The following DST variants were observed in gnomAD, a reference collection of about 807,000 sequenced individuals.
DST encodes the protein dystonin, also known as bullous pemphigoid antigen.
Under a neutral mutation model 875.2 loss-of-function variants are expected in DST, and 253 were observed. That is an observed-to-expected ratio of 0.29 (90% confidence interval 0.26 to 0.32). DST has a LOEUF of 0.32. DST is among the 10% of genes least tolerant of loss of function. The probability of loss-of-function intolerance (pLI) is 1.00; values close to 1 mark genes in which losing one functional copy is unlikely to be tolerated. For missense variants in DST, 8,287 were observed against 9,111.6 expected (o/e 0.91, Z 3.68); for synonymous variants, 3,124 against 3,197.1 (o/e 0.98, Z 0.77).
chr6:56,824,330 G>A (rs1278511701), intron 4 of DST, among the ~76,000 whole-genome samples: 2 of 152,218 alleles, frequency 1.3e-5, no homozygotes, highest in African/African-American at 2.4e-5. Flanking sequence ...ACCCAGGCTG[G>A]AATGCAGTGG....
chr6:56,606,079 T>C lies in DST; in HGVS notation c.8549A>G (p.Glu2850Gly). ...CASILNENSD[E>G]NENINTMILL... ...AATCATTGTATTAATATTTTCATTT[T>C]CATCACTGTTTTCATTTAAAATAGA... The change falls in exon 40 of 104, where the codon GAA (glutamate) becomes GGA (glycine). Residue 2850 changes from glutamate (E) to glycine (G), a missense_variant. By Grantham distance (98) the Glu-to-Gly change is moderately conservative (BLOSUM62 -2). Around this residue, in one of 10 missense-constraint regions of DST, gnomAD observed 3,138 missense variants for 3,116.6 expected, o/e 1.01. Transcript: ENST00000680361. 1.9e-6 allele frequency: 3 copies of C among 1,613,024 alleles called. No homozygotes were observed. The highest frequency in any genetic ancestry group is 2.5e-6 in the Non-Finnish European group (3 of 1,179,268).
intron 17 of DST, among the ~76,000 whole-genome samples, chr6:56,641,525 C>A (rs1326955493): frequency 6.6e-6 from 1 of 151,886 alleles, no homozygotes; most frequent in Non-Finnish European, 1.5e-5. Context: ...GAGGCAGAGG[C>A]TGCAGTGAGC....
chr6:56,746,833 G>GA (rs1342648793), intron 4 of DST, among the ~76,000 whole-genome samples: 1 of 152,104 alleles, frequency 6.6e-6, no homozygotes, highest in Non-Finnish European at 1.5e-5. Flanking sequence ...GGAAGATATA[G>GA]AAAAAAATAC....
chr6:56,573,934 C>A, intron 50 of DST, 47 bp from the exon 51 acceptor site: 1 of 1,403,356 alleles, frequency 7.1e-7, no homozygotes, highest in Non-Finnish European at 9.8e-7. Context: ...TCTCTTTGCC[C>A]TATCCCTTTT....
At chr6:56,505,924 G>C (rs2096296910) in intron 77 of DST, among the ~76,000 whole-genome samples, 1 of 152,042 alleles carries the variant, frequency 6.6e-6, no homozygotes. Context: ...ACATGGAAAA[G>C]AAGAAAACAC....
At chr6:56,547,294 T>C (rs1453885418) in intron 61 of DST, among the ~76,000 whole-genome samples, 2 of 152,202 alleles carry the variant, frequency 1.3e-5, no homozygotes, top group African/African-American at 4.8e-5. Flanking sequence ...TCTGCTTCAG[T>C]AGGGCTTCTC....
chr6:56,605,275 T>C lies in DST; in HGVS notation c.9353A>G (p.Asp3118Gly). The C allele has an allele frequency of 1.9e-6, 3 of 1,611,222 alleles. No individual in the cohort carries two copies. The highest frequency in any genetic ancestry group is 2.5e-6 in the Non-Finnish European group (3 of 1,178,434). Residue 3118 changes from aspartate to glycine, a missense_variant, in exon 40 of 104, where the codon GAT (aspartate) becomes GGT (glycine). Transcript: ENST00000680361. ...SLKKATVTLK[D>G]EPNNLQIIVS... ...TATTATTTGTAGATTATTTGGTTCA[T>C]CTTTAAGAGTTACAGTTGCTTTTTT... is the stretch of plus-strand genomic sequence containing the variant.
chr6:56,781,749 T>C (rs35676997), intron 4 of DST, among the ~76,000 whole-genome samples: 35,137 of 151,748 alleles, frequency 0.23, 5,069 homozygotes, highest in African/African-American at 0.4. Flanking sequence ...GCCAGAACTT[T>C]CAACACTATG....
intron 4 of DST, among the ~76,000 whole-genome samples, chr6:56,813,379 T>TATA (rs1042380661): frequency 7.1e-6 from 1 of 139,880 alleles, no homozygotes; most frequent in African/African-American, 2.9e-5. Flanking sequence ...AAACTTAAAG[T>TATA]ATAATAATAA....
At chr6:56,469,301 G>C (rs1451349791) in intron 97 of DST, among the ~76,000 whole-genome samples, 1 of 151,552 alleles carries the variant, frequency 6.6e-6, no homozygotes, top group Non-Finnish European at 1.5e-5. Flanking sequence ...CTGTATTGGG[G>C]AAACTCAGCA....
At chr6:56,526,960 A>G (rs1212704948) in intron 68 of DST, among the ~76,000 whole-genome samples, 1 of 152,184 alleles carries the variant, frequency 6.6e-6, no homozygotes. Flanking sequence ...GACCCTCAAA[A>G]TGATGACAAA....
At chr6:56,515,127 A>C (rs1290594062) in intron 72 of DST, among the ~76,000 whole-genome samples, 5 of 152,204 alleles carry the variant, frequency 3.3e-5, no homozygotes, top group Admixed American at 6.5e-5. Flanking sequence ...AAACAATTCA[A>C]TGTGTGTAAA....
chr6:56,679,714 G>A (rs2099148105), intron 9 of DST, among the ~76,000 whole-genome samples: 1 of 151,782 alleles, frequency 6.6e-6, no homozygotes. Context: ...CAAGGTTGCA[G>A]TGAGCCATGA....
chr6:56,868,669 A>G (rs576750358), intron 3 of DST, among the ~76,000 whole-genome samples: 3 of 152,358 alleles, frequency 2.0e-5, no homozygotes, highest in African/African-American at 7.2e-5. Context: ...ATAAAATAAA[A>G]TAATTTGACA....
intron 2 of DST, among the ~76,000 whole-genome samples, chr6:56,912,347 A>AAAATT (rs2127719652): frequency 6.6e-6 from 1 of 152,344 alleles, no homozygotes; most frequent in South Asian, 2.1e-4. Context: ...TTAATTAATT[A>AAAATT]AAATTAAATT....
chr6:56,642,904 T>C, intron 15 of DST: 1 of 1,562,442 alleles, frequency 6.4e-7, no homozygotes, highest in Admixed American at 1.8e-5. Flanking sequence ...ATTACAGCTT[T>C]TAGTGGCTCC....
chr6:56,688,766 GAACA>G (rs1370624268), intron 9 of DST, among the ~76,000 whole-genome samples: 1 of 152,076 alleles, frequency 6.6e-6, no homozygotes, highest in African/African-American at 2.4e-5. Flanking sequence ...CATTTGTTAT[GAACA>G]AACAATGAGA....
In DST at chr6:56,645,882, G is replaced by A. The variant is rs2098939917; in HGVS notation, c.1762C>T (p.Arg588Cys). Residue 588 changes from arginine (R) to cysteine (C), a missense_variant, in exon 15 of 104, where the codon CGT becomes TGT. Around this residue, in one of 10 missense-constraint regions of DST, gnomAD observed 1,160 missense variants for 1,424.3 expected, o/e 0.81. Transcript: ENST00000680361. ...CTGGCCTACCTTTCTACTTCTGGAC[G>A]AAGGGCCTTCTCTCTCTCTAGCATG... is the stretch of plus-strand genomic sequence containing the variant. ...IAMLEREKAL[R>C]PEVERLEMLQ... 1.2e-6 allele frequency: 2 copies of A among 1,613,696 alleles called. No individual in the cohort carries two copies. Among genetic ancestry groups the A allele is most frequent in the Non-Finnish European group, 1.7e-6 (2 of 1,179,744 alleles).
chr6:56,556,453 C>CT (rs2097420265), intron 59 of DST, among the ~76,000 whole-genome samples: 1 of 152,038 alleles, frequency 6.6e-6, no homozygotes, highest in East Asian at 1.9e-4. Flanking sequence ...ATCTTTTATA[C>CT]TTTTATCTAT....
Sources: gnomAD v4.1 joint callset for allele counts (sites outside exome capture counted in the v4.1 genomes callset) on GRCh38, gnomAD v4.1.1 for gene constraint, gnomAD v4.1.1 regional missense constraint, MANE v1.5 for transcripts, NCBI Gene and HGNC (gene_info 2026-07-23, HGNC 2026-07-21) for gene names.